Variants in NPIPB2 observed in about 807,000 individuals in gnomAD.
NPIPB2 encodes nuclear pore complex interacting protein family member B2, also known as nuclear pore complex-interacting protein family member B2.
In NPIPB2, 27 loss-of-function variants were observed where a neutral mutation model predicts 30.8. The observed-to-expected ratio is 0.88, with a 90% CI of 0.65 to 1.21. The LOEUF (loss-of-function observed/expected upper bound fraction) is 1.21, where lower values mean the gene tolerates loss of function less well. NPIPB2 is among the 50% of genes most tolerant of loss of function. NPIPB2 has a pLI of 0.00. For synonymous variants in NPIPB2, 147 were observed against 162.0 expected (o/e 0.91, Z 0.70); for missense variants, 440 against 446.2 (o/e 0.99, Z 0.13).
At chr16:11,950,147 C>G (rs897211347) in intron 1 of NPIPB2, among the ~76,000 whole-genome samples, 3 of 152,122 alleles carry the variant, frequency 2.0e-5, no homozygotes, top group Non-Finnish European at 4.4e-5. Flanking sequence ...ATTCTCCTGC[C>G]TCAGCCTACT....
At chr16:11,975,982 C>T (rs28512322) in intron 1 of NPIPB2, among the ~76,000 whole-genome samples, 32,466 of 151,546 alleles carry the variant, frequency 0.21, 3,958 homozygotes, top group African/African-American at 0.32. Context: ...CGTCTCGCTA[C>T]GTTGCCCAGG....
At chr16:11,968,003 G>T (rs1381814011) in intron 1 of NPIPB2, 6 of 831,794 alleles carry the variant, frequency 7.2e-6, no homozygotes, top group Non-Finnish European at 1.1e-5. Flanking sequence ...ATTTCTCTAG[G>T]TTACTGTTGG....
intron 1 of NPIPB2, among the ~76,000 whole-genome samples, chr16:11,952,416 C>G (rs940705576): frequency 6.6e-6 from 1 of 151,854 alleles, no homozygotes; most frequent in African/African-American, 2.4e-5. Flanking sequence ...AGCAGGTATG[C>G]CGTTTTGATC....
At chr16:11,970,285 T>C (rs1842203125) in intron 1 of NPIPB2, among the ~76,000 whole-genome samples, 1 of 152,202 alleles carries the variant, frequency 6.6e-6, no homozygotes, top group Admixed American at 6.5e-5. Flanking sequence ...CTATCTGAGC[T>C]CACTACAACC....
chr16:11,940,758 TA>T (rs1205186064), intron 1 of NPIPB2, among the ~76,000 whole-genome samples: 8,294 of 47,084 alleles, frequency 0.18, 808 homozygotes, highest in African/African-American at 0.4. Context: ...AGACTCTGTC[TA>T]AAAAAAAAAA....
intron 1 of NPIPB2, among the ~76,000 whole-genome samples, chr16:11,940,713 T>G (rs2054926334): frequency 7.6e-6 from 1 of 131,226 alleles, no homozygotes; most frequent in Non-Finnish European, 1.6e-5. Flanking sequence ...TGAGCCGAGA[T>G]CTTGCCACTG....
chr16:11,956,781 C>A (rs2055116242), intron 1 of NPIPB2, among the ~76,000 whole-genome samples: 1 of 152,172 alleles, frequency 6.6e-6, no homozygotes, highest in Admixed American at 6.6e-5. Context: ...TTCTTGAGGT[C>A]CCCTCCTGAA....
At chr16:11,944,907 G>C (rs1314896978), upstream of NPIPB2, among the ~76,000 whole-genome samples, 1 of 151,718 alleles carries the variant, frequency 6.6e-6, no homozygotes, top group Admixed American at 6.6e-5. Flanking sequence ...AGCCGGGCAC[G>C]GTGGCTCATG....
upstream of NPIPB2, among the ~76,000 whole-genome samples, chr16:11,944,892 T>C (rs146775214): frequency 5.8e-3 from 882 of 151,374 alleles, 12 homozygotes; most frequent in African/African-American, 0.02. Flanking sequence ...AAAGATATAA[T>C]AGCCAGCCGG....
chr16:11,965,445 T>C, intron 1 of NPIPB2: 4 of 1,614,176 alleles, frequency 2.5e-6, no homozygotes, highest in Non-Finnish European at 3.4e-6. Flanking sequence ...TCAGCGTTAT[T>C]GTAATGCAAG....
intron 1 of NPIPB2, among the ~76,000 whole-genome samples, chr16:11,951,930 C>T (rs963378515): frequency 2.0e-5 from 3 of 152,028 alleles, no homozygotes; most frequent in Non-Finnish European, 1.5e-5. Context: ...GAGGCCGAGG[C>T]GGGCGGACCA....
In NPIPB2 at chr16:11,927,437, G is replaced by T. The variant is rs765611030; in HGVS notation, c.1130C>A (p.Ser377Ter). 1.6e-6 allele frequency: 2 copies of T among 1,233,010 alleles called. No individual in the cohort carries two copies. The highest frequency in any genetic ancestry group is 2.3e-6 in the Non-Finnish European group (2 of 865,438). The allele number at this position is 1,233,010 out of a possible 1,614,324, so 76.4% of individuals were successfully genotyped here. ...CCTCCGCCTCTTGGGCTCGGGTGAT[G>T]ATGGTTCCACCTCAGCGGCCCTCCG... The change falls in exon 8 of 8, where the codon TCA becomes TAA. Residue 377 changes from serine (S) to a stop codon, truncating the protein, a stop_gained. Coordinates refer to ENST00000399147, the Ensembl canonical transcript of NPIPB2. LOFTEE classifies it high-confidence loss of function.
chr16:11,942,042 ACAT>A (rs1465426123), exon 1 of NPIPB2: 3 of 1,375,562 alleles, frequency 2.2e-6, no homozygotes, highest in Admixed American at 2.0e-5. Flanking sequence ...AAGCAACAAA[ACAT>A]CAGCAGGATG....
At chr16:11,971,483 T>C (rs1319745511) in intron 1 of NPIPB2, among the ~76,000 whole-genome samples, 1 of 151,264 alleles carries the variant, frequency 6.6e-6, no homozygotes, top group Non-Finnish European at 1.5e-5. Context: ...CATAGGTAGA[T>C]TCAGAGATTT....
At chr16:11,952,802 G>A (rs1258067086) in intron 1 of NPIPB2, among the ~76,000 whole-genome samples, 1 of 152,030 alleles carries the variant, frequency 6.6e-6, no homozygotes, top group Non-Finnish European at 1.5e-5. Flanking sequence ...CTGACCTCAG[G>A]TAATCCACCC....
chr16:11,967,787 C>G, intron 1 of NPIPB2: 1 of 1,614,200 alleles, frequency 6.2e-7, no homozygotes, highest in Admixed American at 1.7e-5. Flanking sequence ...ATGACTATTG[C>G]AAGAGCCTGC....
upstream of NPIPB2, chr16:11,942,083 C>T (rs1252272042): frequency 2.6e-6 from 4 of 1,519,788 alleles, no homozygotes. Context: ...AAACCATCTC[C>T]ATCACATCCA....
upstream of NPIPB2, among the ~76,000 whole-genome samples, chr16:11,947,017 C>T (rs556102005): frequency 3.6e-5 from 5 of 140,036 alleles, no homozygotes; most frequent in South Asian, 1.2e-3. Flanking sequence ...CCACCTTGAC[C>T]AGCCTAAATT....
intron 1 of NPIPB2, among the ~76,000 whole-genome samples, chr16:11,950,977 T>A (rs2055056295): frequency 6.6e-6 from 1 of 152,142 alleles, no homozygotes; most frequent in African/African-American, 2.4e-5. Context: ...ATACATGATT[T>A]TTTTGCATGT....
Sources: gnomAD v4.1 joint callset for allele counts (sites outside exome capture counted in the v4.1 genomes callset) on GRCh38, gnomAD v4.1.1 for gene constraint, MANE v1.5 for transcripts, NCBI Gene and HGNC (gene_info 2026-07-23, HGNC 2026-07-21) for gene names.